CYP3A5: variants seen among roughly 807,000 people sequenced by gnomAD.
CYP3A5 encodes the protein cytochrome P450 family 3 subfamily A member 5, also known as cytochrome P450 3A5.
CYP3A5 carries 51 observed loss-of-function variants against 55.9 expected under a neutral mutation model. That is an observed-to-expected ratio of 0.91 (90% confidence interval 0.73 to 1.15). The LOEUF is 1.15. Ranked by LOEUF, CYP3A5 falls within the 50% of genes most tolerant of loss-of-function variation. The pLI, the probability that CYP3A5 is intolerant of heterozygous loss-of-function variation, is 0.00. For missense variants in CYP3A5, 533 were observed against 596.6 expected, an observed-to-expected ratio of 0.89 and a Z score of 1.11; for synonymous variants, 196 against 213.9, an observed-to-expected ratio of 0.92 and a Z score of 0.73.
At chr7:99,664,170 C>G in intron 7 of CYP3A5, 75 bp from the exon 8 acceptor site, 1 of 1,182,522 alleles carries the variant, frequency 8.5e-7, no homozygotes, top group Admixed American at 2.4e-5. Context: ...ATAATTTTCT[C>G]TACCAGTAAT....
intron 10 of CYP3A5, among the ~76,000 whole-genome samples, chr7:99,654,927 G>GTT (rs1318276706): frequency 6.6e-6 from 1 of 152,050 alleles, no homozygotes; most frequent in Non-Finnish European, 1.5e-5. Flanking sequence ...TGATGGGGTT[G>GTT]TGTTTTTTTC....
In CYP3A5 at chr7:99,648,363, G is replaced by T. The variant is rs771132191; in HGVS notation, c.1451C>A (p.Pro484Gln). Reference protein sequence around the residue: ...LKLDTQGLLQPEKPIVLKVDS... With the variant: ...LKLDTQGLLQQEKPIVLKVDS... ...CACCTTTAGAACAATGGGTTTTTCT[G>T]GTTGAAGAAGTCCTTGCGTGTCTAA... The change falls in exon 13 of 13, where the codon CCA becomes CAA. Residue 484 changes from proline (P) to glutamine (Q), a missense_variant. Transcript: ENST00000222982. The T allele has an allele frequency of 6.2e-7, 1 of 1,611,966 alleles. No homozygotes were observed. The highest frequency in any genetic ancestry group is 1.1e-5 in the South Asian group (1 of 90,824).
intron 10 of CYP3A5, among the ~76,000 whole-genome samples, chr7:99,657,395 G>T (rs914376294): frequency 5.9e-5 from 9 of 152,316 alleles, no homozygotes; most frequent in African/African-American, 1.9e-4. Flanking sequence ...GAGCGGTTTT[G>T]AGTGAGTTTC....
intron 4 of CYP3A5, among the ~76,000 whole-genome samples, chr7:99,668,287 G>T (rs1811235816): frequency 6.6e-6 from 1 of 152,128 alleles, no homozygotes; most frequent in Non-Finnish European, 1.5e-5. Context: ...AAAAGCTAAA[G>T]AAATGGAGAG....
intron 8 of CYP3A5, chr7:99,663,478 G>C: frequency 1.0e-6 from 1 of 990,114 alleles, no homozygotes; most frequent in African/African-American, 1.7e-5. Flanking sequence ...TCTCAGAGAA[G>C]ACCCCTGTTC....
At chr7:99,676,094 G>A in intron 2 of CYP3A5, 21 bp downstream of exon 2, 1 of 1,606,016 alleles carries the variant, frequency 6.2e-7, no homozygotes, top group African/African-American at 1.3e-5. Context: ...AGAAGCAAAA[G>A]AGGAAGCTCA....
chr7:99,663,755 G>C, intron 8 of CYP3A5: 1 of 1,220,928 alleles, frequency 8.2e-7, no homozygotes, highest in South Asian at 2.6e-5. Context: ...ACTAATTGTT[G>C]TGCCTGATTT....
intron 12 of CYP3A5, 98 bp from the exon 13 acceptor site, chr7:99,648,498 A>C: frequency 1.3e-6 from 1 of 786,192 alleles, no homozygotes; most frequent in Non-Finnish European, 2.0e-6. Flanking sequence ...ATGCTTTGCA[A>C]GCATATAAAA....
chr7:99,672,904 A>C, intron 3 of CYP3A5: 1 of 1,352,054 alleles, frequency 7.4e-7, no homozygotes, highest in Non-Finnish European at 9.5e-7. Context: ...TGGTCCAAAC[A>C]GGGAAGAGAT....
intron 11 of CYP3A5, among the ~76,000 whole-genome samples, chr7:99,650,975 T>G (rs58024720): frequency 0.086 from 13,162 of 152,278 alleles, 1,078 homozygotes; most frequent in South Asian, 0.26. Flanking sequence ...TTTGATTATA[T>G]TAAGGAAAAA....
intron 3 of CYP3A5, 181 bp downstream of exon 3, chr7:99,674,352 G>A (rs529003947): frequency 4.1e-6 from 2 of 485,042 alleles, no homozygotes; most frequent in Admixed American, 3.9e-5. Flanking sequence ...ACGGCAAGCA[G>A]ATTCCCATTG....
At chr7:99,667,838 A>G (rs1388965302) in intron 4 of CYP3A5, among the ~76,000 whole-genome samples, 1 of 152,230 alleles carries the variant, frequency 6.6e-6, no homozygotes, top group Non-Finnish European at 1.5e-5. Flanking sequence ...GTTAAATCAC[A>G]TTTAATGATG....
intron 1 of CYP3A5, among the ~76,000 whole-genome samples, chr7:99,679,160 G>T (rs1014275515): frequency 5.9e-5 from 9 of 152,122 alleles, no homozygotes; most frequent in African/African-American, 2.2e-4. Flanking sequence ...TTGCTCTAGA[G>T]GTTAATCATT....
At chr7:99,668,055 A>T (rs1306745442) in intron 4 of CYP3A5, among the ~76,000 whole-genome samples, 2 of 152,236 alleles carry the variant, frequency 1.3e-5, no homozygotes, top group African/African-American at 4.8e-5. Flanking sequence ...TATACAAAAA[A>T]ATTTCTAGAA....
In CYP3A5 at chr7:99,667,081, A is replaced by G; in HGVS notation, c.319-16T>C. 3.7e-6 allele frequency: 6 copies of G among 1,604,654 alleles called. No individual in the cohort carries two copies. Among genetic ancestry groups the G allele is most frequent in the Non-Finnish European group, 5.1e-6 (6 of 1,173,566 alleles). On this transcript the variant is annotated splice_polypyrimidine_tract_variant and intron_variant, in intron 4 of 12. Transcript: ENST00000222982. ...GGCCTAAAGACTAGAGTTCAACAGA[A>G]ACATTTTTTCTCACATTAGTTGTGG...
chr7:99,652,461 C>T, intron 11 of CYP3A5, 92 bp downstream of exon 11: 1 of 764,210 alleles, frequency 1.3e-6, no homozygotes, highest in Non-Finnish European at 2.1e-6. Flanking sequence ...AATGATTGTA[C>T]AACCACACGA....
intron 10 of CYP3A5, chr7:99,660,128 T>C: frequency 6.6e-6 from 5 of 759,032 alleles, no homozygotes; most frequent in Non-Finnish European, 8.0e-6. Context: ...CAGTTGGAAA[T>C]GCAGAAATCA....
At position 99,675,648 on chromosome 7, in the gene CYP3A5, C is replaced by A. The variant is rs2528517; in HGVS notation, c.165+467G>T. ...TTTTCTCTCCTCTCCTCTCCTCCCC[C>A]CTCCCCTCCCCTCCCCTCCCCTCTC... On this transcript the variant is annotated intron_variant, in intron 2 of 12. Transcript: ENST00000222982. Among the ~76,000 whole-genome samples, 5 of 556 alleles carry A rather than the reference C, an allele frequency of 9.0e-3. 1 individual carries two copies. Among genetic ancestry groups the A allele is most frequent in the African/African-American group, 0.017 (3 of 172 alleles). The allele number at this position is 556 out of a possible 152,430, so 0.4% of individuals were successfully genotyped here. A position where few individuals can be genotyped will look rare whatever the true frequency, so the allele number is the denominator to read the frequency against.
intron 5 of CYP3A5, 52 bp from the exon 6 acceptor site, chr7:99,666,741 C>T: frequency 1.2e-6 from 2 of 1,613,320 alleles, no homozygotes; most frequent in Non-Finnish European, 8.5e-7. Flanking sequence ...ACTCAAGTCC[C>T]AGAAGGATAT....
Sources: allele counts gnomAD v4.1 joint callset (sites outside exome capture counted in the v4.1 genomes callset), GRCh38; gene constraint gnomAD v4.1.1; transcripts MANE v1.5; gene names NCBI Gene and HGNC (gene_info 2026-07-23, HGNC 2026-07-21).